AFF2: variants seen among roughly 807,000 people sequenced by gnomAD.
AFF2 encodes the protein ALF transcription elongation factor 2.
A neutral mutation model predicts 76.9 loss-of-function variants in AFF2; 14 were observed. The ratio of observed to expected loss-of-function variants is 0.18; its 90% CI spans 0.12 to 0.28. The LOEUF is 0.28. Among genes scored for constraint, AFF2 ranks in the 10% least tolerant of loss-of-function variants. The probability of loss-of-function intolerance (pLI) is 1.00; values close to 1 mark genes in which losing one functional copy is unlikely to be tolerated. For synonymous variants in AFF2, 398 were observed against 366.7 expected, an observed-to-expected ratio of 1.09 and a Z score of -0.98; for missense variants, 868 against 1,001.1, an observed-to-expected ratio of 0.87 and a Z score of 1.79.
chrX:148,963,243 A>G (rs1557288322), intron 13 of AFF2, among the ~76,000 whole-genome samples: 1 of 112,009 alleles, frequency 8.9e-6, no homozygotes, highest in Non-Finnish European at 1.9e-5. Flanking sequence ...TGATAAATAT[A>G]TTAATATTTG....
chrX:148,850,818 G>A (rs2070723378), intron 7 of AFF2, among the ~76,000 whole-genome samples: 1 of 111,712 alleles, frequency 9.0e-6, no homozygotes, highest in Admixed American at 9.5e-5. Context: ...CTCCACCTAG[G>A]GAGTGGCAGG....
chrX:148,650,141 G>A (rs2054189044), intron 1 of AFF2, among the ~76,000 whole-genome samples: 1 of 110,816 alleles, frequency 9.0e-6, no homozygotes, highest in African/African-American at 3.3e-5. Flanking sequence ...TGATGGGATT[G>A]GATTACACAC....
intron 3 of AFF2, among the ~76,000 whole-genome samples, chrX:148,695,938 G>A (rs2053821719): frequency 8.9e-6 from 1 of 112,001 alleles, no homozygotes; most frequent in Non-Finnish European, 1.9e-5. Flanking sequence ...CTAACATCAT[G>A]GAGTTATTTG....
chrX:148,566,475 G>A (rs1261404606), intron 1 of AFF2, among the ~76,000 whole-genome samples: 1 of 111,308 alleles, frequency 9.0e-6, no homozygotes, highest in East Asian at 2.8e-4. Flanking sequence ...TAGAGAGTCA[G>A]TTCTCAGACA....
At chrX:148,560,560 G>C (rs1801480286) in intron 1 of AFF2, among the ~76,000 whole-genome samples, 1 of 111,771 alleles carries the variant, frequency 8.9e-6, no homozygotes, top group African/African-American at 3.3e-5. Flanking sequence ...AAGAGCTTCT[G>C]CACAGCAAAA....
chrX:148,801,491 C>T (rs12009544), intron 3 of AFF2, among the ~76,000 whole-genome samples: 6,193 of 111,440 alleles, frequency 0.056, 413 homozygotes, highest in African/African-American at 0.19. Context: ...ACCATGTCAT[C>T]TTCTCATCTT....
intron 19 of AFF2, among the ~76,000 whole-genome samples, chrX:148,983,951 G>GAAAAAAAAAAAAAAAA (rs1569558020): frequency 3.5e-4 from 1 of 2,847 alleles, no homozygotes; most frequent in Non-Finnish European, 0.013. Flanking sequence ...GAGTGAAATA[G>GAAAAAAAAAAAAAAAA]ACAAAAAAAA....
chrX:148,652,542 T>A (rs781953405), intron 2 of AFF2, among the ~76,000 whole-genome samples: 9 of 112,229 alleles, frequency 8.0e-5, no homozygotes, highest in Non-Finnish European at 1.7e-4. Flanking sequence ...ACTGTTTTTC[T>A]TTTCCATTTT....
chrX:148,697,802 A>C (rs1160269336), intron 3 of AFF2, among the ~76,000 whole-genome samples: 2 of 112,113 alleles, frequency 1.8e-5, no homozygotes, highest in Non-Finnish European at 3.8e-5. Flanking sequence ...ACAGGATGCA[A>C]CAGAGTCCAG....
chrX:148,948,974 G>T (rs2071932858), intron 9 of AFF2, among the ~76,000 whole-genome samples: 2 of 111,125 alleles, frequency 1.8e-5, no homozygotes, highest in South Asian at 7.8e-4. Context: ...ATTTCCTGAT[G>T]TTGAGGTAAA....
At chrX:148,701,122 G>T (rs1354359298) in intron 3 of AFF2, among the ~76,000 whole-genome samples, 1 of 109,556 alleles carries the variant, frequency 9.1e-6, no homozygotes, top group African/African-American at 3.3e-5. Flanking sequence ...ACTCAGCTGT[G>T]TAAAAATCTG....
intron 1 of AFF2, among the ~76,000 whole-genome samples, chrX:148,605,162 C>CA (rs782165374): frequency 7.2e-5 from 8 of 111,586 alleles, no homozygotes; most frequent in Non-Finnish European, 5.7e-5. Context: ...AACTACTTCA[C>CA]AAAAAACACC....
At chrX:148,963,365 G>A (rs1569557760) in intron 13 of AFF2, among the ~76,000 whole-genome samples, 1 of 111,640 alleles carries the variant, frequency 9.0e-6, no homozygotes, top group Non-Finnish European at 1.9e-5. Context: ...TGAAATCTAG[G>A]AGACTTTGTG....
chrX:148,854,469 G>A (rs1272386706), intron 7 of AFF2, among the ~76,000 whole-genome samples: 1 of 111,379 alleles, frequency 9.0e-6, no homozygotes, highest in Non-Finnish European at 1.9e-5. Context: ...AAGATGTAAC[G>A]ATACTAAGAG....
intron 7 of AFF2, among the ~76,000 whole-genome samples, chrX:148,857,455 T>A (rs2070799166): frequency 8.9e-6 from 1 of 111,847 alleles, no homozygotes; most frequent in Non-Finnish European, 1.9e-5. Flanking sequence ...AGCAAAGAAA[T>A]GTCTTTAGCA....
chrX:148,851,617 A>T (rs782760065), intron 7 of AFF2, among the ~76,000 whole-genome samples: 26 of 111,991 alleles, frequency 2.3e-4, no homozygotes, highest in Non-Finnish European at 3.8e-4. Context: ...CGATTTAGCA[A>T]CCTATAACTC....
chrX:148,959,279 A>G, intron 12 of AFF2, among the ~76,000 whole-genome samples: 1 of 111,192 alleles, frequency 9.0e-6, no homozygotes, highest in Non-Finnish European at 1.9e-5. Flanking sequence ...TCACTTAACT[A>G]ACAATCATGT....
At chrX:148,941,829 G>A (rs1172287584) in intron 9 of AFF2, among the ~76,000 whole-genome samples, 3 of 85,115 alleles carry the variant, frequency 3.5e-5, no homozygotes, top group Admixed American at 1.4e-4. Flanking sequence ...CCATAGGCTG[G>A]CCTAAGTACT....
At chrX:148,919,938 T>C (rs1279692883) in intron 9 of AFF2, among the ~76,000 whole-genome samples, 3 of 112,358 alleles carry the variant, frequency 2.7e-5, no homozygotes, top group Admixed American at 9.4e-5. Context: ...TTTTCCAGAA[T>C]ATCAAATTAT....
Sources: gnomAD v4.1 joint callset for allele counts (sites outside exome capture counted in the v4.1 genomes callset) on GRCh38, gnomAD v4.1.1 for gene constraint, MANE v1.5 for transcripts, NCBI Gene and HGNC (gene_info 2026-07-23, HGNC 2026-07-21) for gene names.